GPC6: variants seen among roughly 807,000 people sequenced by gnomAD.
GPC6 encodes glypican-6.
In GPC6, 14 loss-of-function variants were observed where a neutral mutation model predicts 55.2. That is an observed-to-expected ratio of 0.25 (90% confidence interval 0.17 to 0.40). The LOEUF is 0.40. Among genes scored for constraint, GPC6 ranks in the 10% least tolerant of loss-of-function variants. The pLI, the probability that GPC6 is intolerant of heterozygous loss-of-function variation, is 1.00. For synonymous variants in GPC6, 278 were observed against 259.6 expected (o/e 1.07, Z -0.68); for missense variants, 641 against 708.5 (o/e 0.90, Z 1.08).
chr13:93,654,406 C>A (rs1880563116), intron 2 of GPC6, among the ~76,000 whole-genome samples: 1 of 152,052 alleles, frequency 6.6e-6, no homozygotes, highest in African/African-American at 2.4e-5. Flanking sequence ...CAGCTCACTG[C>A]AACCTCTGCC....
intron 6 of GPC6, among the ~76,000 whole-genome samples, chr13:94,381,252 C>T (rs1160467728): frequency 6.6e-6 from 1 of 152,028 alleles, no homozygotes; most frequent in South Asian, 2.1e-4. Context: ...TTGCTAAGGC[C>T]GTCATAACAA....
intron 2 of GPC6, among the ~76,000 whole-genome samples, chr13:93,675,840 C>T (rs1045879148): frequency 6.6e-6 from 1 of 151,918 alleles, no homozygotes; most frequent in Non-Finnish European, 1.5e-5. Flanking sequence ...AGCTGCATCC[C>T]ATAACTGTTT....
chr13:93,901,678 G>A (rs1310967850), intron 3 of GPC6, among the ~76,000 whole-genome samples: 1 of 151,868 alleles, frequency 6.6e-6, no homozygotes. Context: ...AGAGGTAGGT[G>A]GATCATGAGG....
At chr13:93,553,809 T>A (rs1359946832) in intron 2 of GPC6, among the ~76,000 whole-genome samples, 3 of 150,854 alleles carry the variant, frequency 2.0e-5, no homozygotes, top group Admixed American at 2.0e-4. Flanking sequence ...TTGTGTATAG[T>A]TTCTGAATTT....
intron 4 of GPC6, among the ~76,000 whole-genome samples, chr13:94,141,398 G>T (rs1371479322): frequency 1.3e-5 from 2 of 152,174 alleles, no homozygotes; most frequent in Non-Finnish European, 2.9e-5. Flanking sequence ...CTTAACCCTT[G>T]TCTGGCATGG....
chr13:94,206,461 G>A (rs928270435), intron 4 of GPC6, among the ~76,000 whole-genome samples: 3 of 152,050 alleles, frequency 2.0e-5, no homozygotes, highest in African/African-American at 7.2e-5. Context: ...TACTTATGGA[G>A]GGGTTTTTTT....
intron 2 of GPC6, among the ~76,000 whole-genome samples, chr13:93,786,900 C>G (rs1232582141): frequency 6.6e-6 from 1 of 152,170 alleles, no homozygotes; most frequent in Non-Finnish European, 1.5e-5. Flanking sequence ...CCTATTATGT[C>G]TGCATCTCCT....
chr13:93,668,294 G>C (rs1261357384), intron 2 of GPC6, among the ~76,000 whole-genome samples: 1 of 152,140 alleles, frequency 6.6e-6, no homozygotes, highest in Non-Finnish European at 1.5e-5. Context: ...TAGCCAAAAT[G>C]TTCCTTTAAT....
At chr13:93,386,674 C>T (rs1416707800) in intron 1 of GPC6, among the ~76,000 whole-genome samples, 1 of 152,086 alleles carries the variant, frequency 6.6e-6, no homozygotes, top group African/African-American at 2.4e-5. Flanking sequence ...GTATTATTGC[C>T]CCATGGTTGC....
At chr13:93,894,935 C>T (rs928940875) in intron 3 of GPC6, among the ~76,000 whole-genome samples, 1 of 151,636 alleles carries the variant, frequency 6.6e-6, no homozygotes, top group African/African-American at 2.4e-5. Context: ...ACGTATTTCT[C>T]AACCATTTTT....
At chr13:93,806,232 G>A (rs547889246) in intron 2 of GPC6, among the ~76,000 whole-genome samples, 1 of 152,266 alleles carries the variant, frequency 6.6e-6, no homozygotes, top group East Asian at 1.9e-4. Flanking sequence ...TACTCAATTT[G>A]GAGAGTATGT....
chr13:93,237,202 T>C (rs1430769200), intron 1 of GPC6, among the ~76,000 whole-genome samples: 3 of 152,198 alleles, frequency 2.0e-5, no homozygotes, highest in Non-Finnish European at 4.4e-5. Flanking sequence ...ATATAAGCAT[T>C]CCCTCTTCAC....
intron 1 of GPC6, among the ~76,000 whole-genome samples, chr13:93,295,109 C>CAAAAAGAAAAAAAAAAAAAAA (rs1878439839): frequency 1.6e-5 from 1 of 61,828 alleles, no homozygotes. Flanking sequence ...TCTGTCTCTG[C>CAAAAAGAAAAAAAAAAAAAAA]AAAAAAAAAA....
intron 2 of GPC6, among the ~76,000 whole-genome samples, chr13:93,767,648 TA>T (rs1885164720): frequency 1.3e-5 from 2 of 152,112 alleles, no homozygotes; most frequent in Non-Finnish European, 2.9e-5. Context: ...CTCTGTTTCA[TA>T]AATGAAGGGG....
At chr13:93,932,443 A>AT (rs1307351233) in intron 3 of GPC6, among the ~76,000 whole-genome samples, 1 of 152,224 alleles carries the variant, frequency 6.6e-6, no homozygotes, top group East Asian at 1.9e-4. Flanking sequence ...AACAATTGAA[A>AT]TTAAAAAAAG....
chr13:94,227,910 A>G (rs1301425623), intron 4 of GPC6, among the ~76,000 whole-genome samples: 5 of 152,162 alleles, frequency 3.3e-5, no homozygotes. Flanking sequence ...GCTGGAATTA[A>G]CACACGGTAT....
chr13:93,816,682 G>A (rs528955134), intron 2 of GPC6, among the ~76,000 whole-genome samples: 2 of 147,950 alleles, frequency 1.4e-5, no homozygotes, highest in South Asian at 2.1e-4. Context: ...TCCATGCCTC[G>A]GTTTCCTCAA....
intron 3 of GPC6, among the ~76,000 whole-genome samples, chr13:93,942,164 A>G (rs1433819088): frequency 6.6e-6 from 1 of 152,264 alleles, no homozygotes; most frequent in Non-Finnish European, 1.5e-5. Context: ...CACAAAGAGT[A>G]ATATGCTAAC....
chr13:93,930,522 C>A (rs186856088), intron 3 of GPC6, among the ~76,000 whole-genome samples: 2 of 152,028 alleles, frequency 1.3e-5, no homozygotes, highest in Non-Finnish European at 2.9e-5. Flanking sequence ...CCACCCACCA[C>A]GGCCTCCCAA....
Sources: gnomAD v4.1 joint callset for allele counts (sites outside exome capture counted in the v4.1 genomes callset) on GRCh38, gnomAD v4.1.1 for gene constraint, MANE v1.5 for transcripts, NCBI Gene and HGNC (gene_info 2026-07-23, HGNC 2026-07-21) for gene names.